The following LRP1B variants were observed in gnomAD, a reference collection of about 807,000 sequenced individuals.
The protein encoded by LRP1B is LDL receptor related protein 1B.
A neutral mutation model predicts 556.6 loss-of-function variants in LRP1B; 217 were observed. The observed-to-expected ratio is 0.39, with a 90% CI of 0.35 to 0.44. The LOEUF is 0.44. Among genes scored for constraint, LRP1B ranks in the 20% least tolerant of loss-of-function variants. The pLI, the probability that LRP1B is intolerant of heterozygous loss-of-function variation, is 1.00. For missense variants in LRP1B, 5,053 were observed against 5,620.8 expected (o/e 0.90, Z 3.23); for synonymous variants, 2,047 against 1,865.8 (o/e 1.10, Z -2.50).
chr2:142,122,296 A>C (rs1360069808), intron 1 of LRP1B, among the ~76,000 whole-genome samples: 4 of 152,308 alleles, frequency 2.6e-5, no homozygotes, highest in Non-Finnish European at 5.9e-5. Context: ...AATATTTGAC[A>C]AGATCACTAG....
intron 1 of LRP1B, among the ~76,000 whole-genome samples, chr2:141,872,014 A>G (rs1698604154): frequency 6.6e-6 from 1 of 151,972 alleles, no homozygotes; most frequent in African/African-American, 2.4e-5. Context: ...GCTGGAACAC[A>G]GAACTGTTCT....
intron 1 of LRP1B, among the ~76,000 whole-genome samples, chr2:142,026,729 C>T (rs1703519667): frequency 6.6e-6 from 1 of 151,872 alleles, no homozygotes; most frequent in African/African-American, 2.4e-5. Flanking sequence ...TGTGTATTGC[C>T]CAGACTTATC....
intron 2 of LRP1B, among the ~76,000 whole-genome samples, chr2:141,723,625 C>T (rs1032066137): frequency 2.0e-5 from 3 of 151,562 alleles, no homozygotes; most frequent in African/African-American, 7.3e-5. Flanking sequence ...TTAAGGGTGA[C>T]CTTGCCTTTG....
chr2:140,850,447 T>C (rs373532923), intron 28 of LRP1B, 118 bp from the exon 29 acceptor site: 48 of 608,018 alleles, frequency 7.9e-5, no homozygotes, highest in East Asian at 4.7e-4. Context: ...AATCAATATT[T>C]GATGGAAACA....
At chr2:142,071,099 G>A (rs1705295302) in intron 1 of LRP1B, among the ~76,000 whole-genome samples, 1 of 151,868 alleles carries the variant, frequency 6.6e-6, no homozygotes, top group Admixed American at 6.6e-5. Context: ...ATGGTGGGTA[G>A]GAGGGGAAAT....
chr2:141,250,816 A>G (rs1684234513), intron 4 of LRP1B, among the ~76,000 whole-genome samples: 1 of 152,150 alleles, frequency 6.6e-6, no homozygotes, highest in African/African-American at 2.4e-5. Context: ...AGAGAATTAG[A>G]TAATTTATGT....
At chr2:141,496,560 C>T (rs1683515163) in intron 2 of LRP1B, among the ~76,000 whole-genome samples, 2 of 152,118 alleles carry the variant, frequency 1.3e-5, no homozygotes, top group South Asian at 2.1e-4. Flanking sequence ...GAATTAAACA[C>T]GATGTCGCTT....
rs1687546044 is a variant in LRP1B at position 140,466,286 on chromosome 2, A to G, written c.9626-8635T>C. ...AGAACAAATTCTTAAAACATATTTC[A>G]TGCCATTTCACCAGTAACATGCTGA... On this transcript the variant is annotated intron_variant, in intron 60 of 90. Coordinates refer to ENST00000389484, the MANE Select transcript of LRP1B (RefSeq NM_018557.3). Among the ~76,000 whole-genome samples, 2 of 152,052 alleles carry G rather than the reference A, an allele frequency of 1.3e-5. 1 individual carries two copies. Among genetic ancestry groups the G allele is most frequent in the South Asian group, 4.1e-4 (2 of 4,828 alleles).
chr2:141,729,130 G>T (rs1693166070), intron 2 of LRP1B, among the ~76,000 whole-genome samples: 1 of 152,126 alleles, frequency 6.6e-6, no homozygotes, highest in African/African-American at 2.4e-5. Flanking sequence ...GCCAAAGGGA[G>T]CCTGGCCATT....
chr2:141,211,494 C>T (rs553542962), intron 6 of LRP1B, among the ~76,000 whole-genome samples: 54 of 151,868 alleles, frequency 3.6e-4, no homozygotes, highest in African/African-American at 1.2e-3. Flanking sequence ...GTGGTGCGTG[C>T]CTGTAATCCC....
chr2:141,800,536 T>C (rs1036372251), intron 2 of LRP1B, among the ~76,000 whole-genome samples: 1 of 152,244 alleles, frequency 6.6e-6, no homozygotes, highest in African/African-American at 2.4e-5. Flanking sequence ...GCAATATTTA[T>C]GTCACTCCAG....
intron 41 of LRP1B, among the ~76,000 whole-genome samples, chr2:140,642,717 G>A (rs933259010): frequency 2.0e-5 from 3 of 152,064 alleles, no homozygotes; most frequent in Admixed American, 6.6e-5. Context: ...GGTGGCGGGC[G>A]CCTGTAGTCC....
At chr2:141,234,166 G>A (rs1187443471) in intron 5 of LRP1B, among the ~76,000 whole-genome samples, 7 of 149,330 alleles carry the variant, frequency 4.7e-5, no homozygotes, top group Non-Finnish European at 8.9e-5. Flanking sequence ...TTCAAAGATT[G>A]AAAGAGGTTT....
chr2:140,322,130 T>TA, intron 81 of LRP1B, 42 bp from the exon 82 acceptor site: 1 of 1,561,288 alleles, frequency 6.4e-7, no homozygotes, highest in Non-Finnish European at 8.7e-7. Flanking sequence ...TAAATATAGA[T>TA]ACAATAGGCT....
intron 7 of LRP1B, among the ~76,000 whole-genome samples, chr2:141,141,872 A>G (rs1431423163): frequency 3.3e-5 from 5 of 152,306 alleles, no homozygotes; most frequent in Non-Finnish European, 7.4e-5. Flanking sequence ...AAGCCACTTT[A>G]TCTTTCAGTA....
chr2:140,716,532 C>T (rs1379345125), intron 36 of LRP1B, 150 bp downstream of exon 36: 6 of 689,824 alleles, frequency 8.7e-6, no homozygotes, highest in Non-Finnish European at 1.1e-5. Context: ...TTAGAAGGAG[C>T]GAAGCCAAAA....
intron 1 of LRP1B, among the ~76,000 whole-genome samples, chr2:142,122,786 A>T (rs10175827): frequency 0.26 from 39,113 of 151,980 alleles, 5,210 homozygotes; most frequent in Middle Eastern, 0.44. Flanking sequence ...AAAATGCCTT[A>T]AAAGTTAATA....
chr2:141,597,080 A>G, intron 2 of LRP1B, among the ~76,000 whole-genome samples: 1 of 143,824 alleles, frequency 7.0e-6, no homozygotes, highest in South Asian at 2.1e-4. Flanking sequence ...ACACACACAC[A>G]CACATCTGCA....
intron 1 of LRP1B, among the ~76,000 whole-genome samples, chr2:141,885,878 T>A (rs1011454924): frequency 1.3e-5 from 2 of 152,208 alleles, no homozygotes; most frequent in African/African-American, 4.8e-5. Context: ...CATGGTGTCA[T>A]AGTAAAGAAG....
Sources: allele counts gnomAD v4.1 joint callset (sites outside exome capture counted in the v4.1 genomes callset), GRCh38; gene constraint gnomAD v4.1.1; transcripts MANE v1.5; gene names NCBI Gene and HGNC (gene_info 2026-07-23, HGNC 2026-07-21).